Variants in DNAH6 observed in about 807,000 individuals in gnomAD.
DNAH6 encodes the protein axonemal beta dynein heavy chain 6.
Under a neutral mutation model 491.4 loss-of-function variants are expected in DNAH6, and 340 were observed. The observed-to-expected ratio is 0.69, with a 90% CI of 0.63 to 0.76. DNAH6 has a LOEUF of 0.76. Among genes scored for constraint, DNAH6 ranks in the 30% least tolerant of loss-of-function variants. The pLI is 0.00. For missense variants in DNAH6, 4,443 were observed against 4,972.2 expected, an observed-to-expected ratio of 0.89 and a Z score of 3.20; for synonymous variants, 1,603 against 1,686.1, an observed-to-expected ratio of 0.95 and a Z score of 1.21.
At chr2:84,685,876 AAG>A (rs1257704401) in intron 43 of DNAH6, among the ~76,000 whole-genome samples, 1 of 152,196 alleles carries the variant, frequency 6.6e-6, no homozygotes, top group Non-Finnish European at 1.5e-5. Context: ...AAGTAGGAGA[AAG>A]AGCATTTTGT....
intron 64 of DNAH6, among the ~76,000 whole-genome samples, chr2:84,776,162 C>T (rs1466218315): frequency 1.3e-5 from 2 of 152,138 alleles, no homozygotes; most frequent in Non-Finnish European, 2.9e-5. Context: ...TGGATTTATA[C>T]ACTGGATCCC....
chr2:84,647,463 C>T (rs1364854481), intron 33 of DNAH6, among the ~76,000 whole-genome samples: 1 of 152,140 alleles, frequency 6.6e-6, no homozygotes, highest in Non-Finnish European at 1.5e-5. Flanking sequence ...GGCTTCAAAG[C>T]TTTAAAGGCC....
the DNAH6 span, among the ~76,000 whole-genome samples, chr2:84,492,536 C>G: frequency 6.6e-6 from 1 of 152,164 alleles, no homozygotes; most frequent in Non-Finnish European, 1.5e-5. Context: ...TGTTAAATCA[C>G]TTACTATTCA....
At chr2:84,623,839 G>A (rs1163018743) in intron 26 of DNAH6, among the ~76,000 whole-genome samples, 1 of 152,202 alleles carries the variant, frequency 6.6e-6, no homozygotes, top group Non-Finnish European at 1.5e-5. Flanking sequence ...CAGATTTTCT[G>A]AATATTAATG....
intron 34 of DNAH6, among the ~76,000 whole-genome samples, chr2:84,654,141 G>C (rs1690726857): frequency 6.6e-6 from 1 of 151,840 alleles, no homozygotes; most frequent in Admixed American, 6.6e-5. Context: ...AGAAAGAGGA[G>C]AGAGAGAGAG....
At position 84,688,454 on chromosome 2, in the gene DNAH6, G is replaced by A. The variant is rs768716579; in HGVS notation, c.7153G>A (p.Ala2385Thr). ...GDFIKFGADK[A>T]DRIYDDMPDI... ...TAAATTATAGTTTGGAGCAGATAAA[G>A]CTGATCGGATTTATGATGACATGCC... The change falls in exon 45 of 77, where the codon GCT becomes ACT. Residue 2385 changes from alanine (A) to threonine (T), a missense_variant. Physicochemically the swap from Ala to Thr is moderately conservative, Grantham distance 58. Transcript: ENST00000389394. 237 of 1,528,006 alleles carry A rather than the reference G, an allele frequency of 1.6e-4. No individual in the cohort carries two copies. Among genetic ancestry groups the A allele is most frequent in the Non-Finnish European group, 1.9e-4 (220 of 1,141,396 alleles). The allele number at this position is 1,528,006 out of a possible 1,614,324, so 94.7% of individuals were successfully genotyped here.
the DNAH6 span, among the ~76,000 whole-genome samples, chr2:84,497,564 TCTTAG>T: frequency 6.6e-6 from 1 of 152,206 alleles, no homozygotes; most frequent in East Asian, 1.9e-4. Context: ...CCTCTCTGAA[TCTTAG>T]CTGTGAAATA....
chr2:84,525,357 T>A (rs796735512), intron 2 of DNAH6, among the ~76,000 whole-genome samples: 6 of 152,168 alleles, frequency 3.9e-5, no homozygotes, highest in African/African-American at 1.4e-4. Flanking sequence ...AAGTATAAAA[T>A]TAATGGAAGC....
chr2:84,813,874 C>T, intron 74 of DNAH6, 97 bp from the exon 75 acceptor site: 3 of 1,299,570 alleles, frequency 2.3e-6, no homozygotes, highest in Non-Finnish European at 3.2e-6. Context: ...TGGGAAGGCT[C>T]TCTAATGCCA....
intron 58 of DNAH6, among the ~76,000 whole-genome samples, chr2:84,717,264 A>G (rs936458524): frequency 6.6e-6 from 1 of 152,114 alleles, no homozygotes; most frequent in African/African-American, 2.4e-5. Flanking sequence ...GCTTACCTTT[A>G]TCTTAAAAAT....
At chr2:84,489,113 ATG>A in the DNAH6 span, among the ~76,000 whole-genome samples, 1 of 152,148 alleles carries the variant, frequency 6.6e-6, no homozygotes, top group East Asian at 1.9e-4. Context: ...CAGTGTGCAT[ATG>A]TAAGAGTTTC....
At chr2:84,661,649 T>A (rs1461208781) in intron 37 of DNAH6, among the ~76,000 whole-genome samples, 1 of 152,168 alleles carries the variant, frequency 6.6e-6, no homozygotes. Context: ...TTTTAAAACA[T>A]CTGTATAAAT....
At chr2:84,803,472 C>T (rs1421566108) in intron 70 of DNAH6, among the ~76,000 whole-genome samples, 1 of 151,762 alleles carries the variant, frequency 6.6e-6, no homozygotes, top group Non-Finnish European at 1.5e-5. Flanking sequence ...AAAATTAAGA[C>T]AAGTGGCAAA....
In DNAH6 at chr2:84,777,448, C is replaced by G. The variant is rs200258706; in HGVS notation, c.10704-4045C>G. 15 of 607,360 alleles carry G rather than the reference C, an allele frequency of 2.5e-5. No homozygotes were observed. In the East Asian group the frequency reaches 4.5e-4, roughly 18 times the overall value. 37.6% of individuals were successfully genotyped at this position (607,360 alleles called of 1,614,324 possible). A position where few individuals can be genotyped will look rare whatever the true frequency, so the allele number is the denominator to read the frequency against. ...CCTTAATCATGGTGGAAATTAGGTGCAACCGCCTAAGATTCTTCATTATAC... is the reference window on the plus strand; with the variant it reads ...CCTTAATCATGGTGGAAATTAGGTGGAACCGCCTAAGATTCTTCATTATAC... On this transcript the variant is annotated intron_variant, in intron 64 of 76. Transcript: ENST00000389394.
intron 29 of DNAH6, among the ~76,000 whole-genome samples, chr2:84,628,989 G>A (rs1688138993): frequency 6.6e-6 from 1 of 152,154 alleles, no homozygotes; most frequent in Non-Finnish European, 1.5e-5. Flanking sequence ...GTGCATATGT[G>A]TGTGTGTGGT....
At chr2:84,771,446 A>C (rs957686775) in intron 64 of DNAH6, among the ~76,000 whole-genome samples, 2 of 152,154 alleles carry the variant, frequency 1.3e-5, no homozygotes, top group Non-Finnish European at 2.9e-5. Flanking sequence ...AAATTGATGA[A>C]AGGTATGAAT....
chr2:84,750,605 G>A lies in DNAH6; in HGVS notation c.10512+5356G>A, dbSNP rs1673377759. Among the ~76,000 whole-genome samples the A allele has an allele frequency of 3.3e-5, 5 of 152,174 alleles. No homozygotes were observed. In the South Asian group the frequency reaches 1.0e-3, roughly 32 times the overall value. ...ATAATCCTAGAGGCTGAGGGAGTGG[G>A]TGGGTGTGTTAATGAAATAAGATTG... On this transcript the variant is annotated intron_variant, in intron 63 of 76. Coordinates refer to ENST00000389394, the MANE Select transcript of DNAH6 (RefSeq NM_001370.2).
At chr2:84,608,449 C>T (rs1188977772) in intron 21 of DNAH6, among the ~76,000 whole-genome samples, 6 of 152,212 alleles carry the variant, frequency 3.9e-5, no homozygotes, top group Non-Finnish European at 5.9e-5. Context: ...AATCCATGGG[C>T]TGCAGAACGG....
intron 51 of DNAH6, 63 bp from the exon 52 acceptor site, chr2:84,705,423 A>T (rs181888995): frequency 1.5e-6 from 2 of 1,335,956 alleles, no homozygotes; most frequent in African/African-American, 3.0e-5. Flanking sequence ...TCAAAGAAAT[A>T]CATTCTTTTG....
Sources: allele counts gnomAD v4.1 joint callset (sites outside exome capture counted in the v4.1 genomes callset), GRCh38; gene constraint gnomAD v4.1.1; transcripts MANE v1.5; gene names NCBI Gene and HGNC (gene_info 2026-07-23, HGNC 2026-07-21).